Variants in PKD2 observed in about 807,000 individuals in gnomAD.
PKD2 encodes polycystin 2, transient receptor potential cation channel, also known as polycystin-2.
PKD2 carries 48 observed loss-of-function variants against 105.9 expected under a neutral mutation model. That is an observed-to-expected ratio of 0.45 (90% CI 0.36 to 0.58). The LOEUF (loss-of-function observed/expected upper bound fraction) is 0.58. PKD2 is among the 20% of genes least tolerant of loss of function. The pLI, the probability that PKD2 is intolerant of heterozygous loss-of-function variation, is 0.00. For synonymous variants in PKD2, 464 were observed against 481.1 expected, an observed-to-expected ratio of 0.96 and a Z score of 0.46; for missense variants, 1,078 against 1,255.3, an observed-to-expected ratio of 0.86 and a Z score of 2.13.
chr4:88,007,764 C>T lies in PKD2; in HGVS notation c.31C>T (p.Gln11Ter). ...GAACTCCAGTCGCGTGCAGCCTCAGCAGCCCGGGGACGCCAAGCGGCCGCC... is the reference window on the plus strand; with the variant it reads ...GAACTCCAGTCGCGTGCAGCCTCAGTAGCCCGGGGACGCCAAGCGGCCGCC... MVNSSRVQPQQPGDAKRPPAP... is the reference protein window; with the variant it reads MVNSSRVQPQ The change falls in exon 1 of 15, where the codon CAG (glutamine) becomes TAG (stop). Residue 11 changes from glutamine (Q) to a stop codon, truncating the protein, a stop_gained. Transcript: ENST00000237596. LOFTEE classifies it high-confidence loss of function. 8.4e-7 allele frequency: 1 copy of T among 1,195,472 alleles called. No individual in the cohort carries two copies. 74.1% of individuals were successfully genotyped at this position (1,195,472 alleles called of 1,614,324 possible).
At chr4:88,036,613 G>T (rs1197280804) in intron 3 of PKD2, 1 of 159,868 alleles carries the variant, frequency 6.3e-6, no homozygotes, top group Non-Finnish European at 1.3e-5. Flanking sequence ...ACTCTATAAG[G>T]TAAGTACTAA....
intron 10 of PKD2, 149 bp from the exon 11 acceptor site, chr4:88,065,225 T>C (rs1469932893): frequency 5.5e-6 from 4 of 731,382 alleles, no homozygotes; most frequent in South Asian, 4.7e-5. Context: ...GAAAACTGGA[T>C]ACATTAATTC....
chr4:88,012,258 G>T lies in PKD2; in HGVS notation c.595+3930G>T, dbSNP rs75458769. Among the ~76,000 whole-genome samples the T allele has an allele frequency of 1.5e-3, 232 of 152,294 alleles. No individual in the cohort carries two copies. In the East Asian group the frequency reaches 0.025, roughly 17 times the overall value. ...AACTCTCATCCGTCACCACTTTACT[G>T]TTGAGGGCACTAAGCCTTCTAAAGG... On this transcript the variant is annotated intron_variant, in intron 1 of 14. Coordinates refer to ENST00000237596, the MANE Select transcript of PKD2 (RefSeq NM_000297.4).
At chr4:88,057,713 C>T (rs113152807) in intron 8 of PKD2, among the ~76,000 whole-genome samples, 258 of 152,192 alleles carry the variant, frequency 1.7e-3, no homozygotes, top group African/African-American at 4.0e-3. Context: ...GGATTACAGA[C>T]GTGATCCACC....
intron 1 of PKD2, among the ~76,000 whole-genome samples, chr4:88,008,747 C>T (rs1472536798): frequency 6.6e-6 from 1 of 151,982 alleles, no homozygotes; most frequent in Non-Finnish European, 1.5e-5. Flanking sequence ...TATAGTCACC[C>T]GTGGTTTCCT....
Position 88,007,991 on chromosome 4 carries a change from G to A in PKD2, c.258G>A (p.Ala86=), listed in dbSNP as rs1726236549. The change falls in exon 1 of 15, where the codon GCG becomes GCA. Residue 86 remains alanine, a synonymous_variant. Coordinates refer to ENST00000237596, the MANE Select transcript of PKD2 (RefSeq NM_000297.4). ...SPPLSSCSRQ[A]WSRDNPGFEA... ...CGCTCTCGTCGTGCTCCCGGCAGGC[G>A]TGGAGCCGCGATAACCCCGGCTTCG... is the stretch of plus-strand genomic sequence containing the variant. 2.6e-6 allele frequency: 4 copies of A among 1,514,900 alleles called. No individual in the cohort carries two copies. In the East Asian group the frequency reaches 1.0e-4, roughly 39 times the overall value. 93.8% of individuals were successfully genotyped at this position (1,514,900 alleles called of 1,614,324 possible).
Position 88,008,041 on chromosome 4 carries a change from T to A in PKD2, c.308T>A (p.Val103Glu). The A allele has an allele frequency of 1.3e-6, 2 of 1,516,392 alleles. No homozygotes were observed. The highest frequency in any genetic ancestry group is 1.4e-5 in the African/African-American group (1 of 70,426). The allele number at this position is 1,516,392 out of a possible 1,614,324, so 93.9% of individuals were successfully genotyped here. Residue 103 changes from valine to glutamate, a missense_variant, in exon 1 of 15, where the codon GTG (valine) becomes GAG (glutamate). By Grantham distance (121) the Val-to-Glu change is moderately radical. Coordinates refer to ENST00000237596, the MANE Select transcript of PKD2 (RefSeq NM_000297.4). ...GAGGCCGAGGAGGAGGAGGAGGAGG[T>A]GGAAGGGGAAGAAGGCGGAATGGTG... ...GFEAEEEEEE[V>E]EGEEGGMVVE...
At chr4:88,065,011 A>G (rs1294409626) in intron 10 of PKD2, among the ~76,000 whole-genome samples, 1 of 152,190 alleles carries the variant, frequency 6.6e-6, no homozygotes, top group African/African-American at 2.4e-5. Flanking sequence ...ATAAAAATGC[A>G]ATTCATGATT....
intron 2 of PKD2, among the ~76,000 whole-genome samples, chr4:88,032,169 T>C (rs1727182700): frequency 6.6e-6 from 1 of 152,126 alleles, no homozygotes; most frequent in African/African-American, 2.4e-5. Context: ...ATTTCTATTC[T>C]TTTGTTAGAC....
chr4:88,052,345 T>A (rs1720142085), intron 7 of PKD2, among the ~76,000 whole-genome samples, 187 bp downstream of exon 7: 1 of 152,128 alleles, frequency 6.6e-6, no homozygotes, highest in Non-Finnish European at 1.5e-5. Context: ...TACAGCTCAT[T>A]GCAGCCTCGA....
At position 88,065,447 on chromosome 4, in the gene PKD2, A is replaced by G. The variant is rs1720755994; in HGVS notation, c.2192A>G (p.Gln731Arg). ...GATGACATTTCAGAGAGTCTGCGGC[A>G]AGGAGGAGGCAAGTTAAACTTTGAC... ...TVDDISESLRQGGGKLNFDEL... is the reference protein window; with the variant it reads ...TVDDISESLRRGGGKLNFDEL... Residue 731 changes from glutamine (Q) to arginine (R), a missense_variant, in exon 11 of 15, where the codon CAA becomes CGA. By Grantham distance (43) the Gln-to-Arg change is conservative. Around this residue, in one of 2 missense-constraint regions of PKD2, gnomAD observed 868 missense variants for 1,067.3 expected, o/e 0.81. Transcript: ENST00000237596. 6.2e-7 allele frequency: 1 copy of G among 1,613,584 alleles called. No individual in the cohort carries two copies. The highest frequency in any genetic ancestry group is 8.5e-7 in the Non-Finnish European group (1 of 1,179,514).
At chr4:88,014,518 C>G (rs1726496386) in intron 1 of PKD2, among the ~76,000 whole-genome samples, 1 of 150,720 alleles carries the variant, frequency 6.6e-6, no homozygotes, top group African/African-American at 2.4e-5. Context: ...ATTCTGGAGT[C>G]AATATTACTT....
chr4:88,036,318 T>C lies in PKD2; in HGVS notation c.808T>C (p.Phe270Leu). The change falls in exon 3 of 15, where the codon TTT becomes CTT. Residue 270 changes from phenylalanine (F) to leucine (L), a missense_variant. By Grantham distance (22) the Phe-to-Leu change is conservative (BLOSUM62 0). Transcript: ENST00000237596. ...CGTGTCCAAAACGGAGAAAACTAAC[T>C]TTAAAACTCTGTCTTCCATGGAAGA... ...TPVSKTEKTN[F>L]KTLSSMEDFW... The C allele has an allele frequency of 6.2e-7, 1 of 1,614,064 alleles. No homozygotes were observed. Among genetic ancestry groups the C allele is most frequent in the South Asian group, 1.1e-5 (1 of 91,084 alleles).
At position 88,038,308 on chromosome 4, in the gene PKD2, A is replaced by G. The variant is rs759567768; in HGVS notation, c.901A>G (p.Thr301Ala). The change falls in exon 4 of 15, where the codon ACT (threonine) becomes GCT (alanine). Residue 301 changes from threonine (T) to alanine (A), a missense_variant. Around this residue, in one of 2 missense-constraint regions of PKD2, gnomAD observed 868 missense variants for 1,067.3 expected, o/e 0.81. Coordinates refer to ENST00000237596, the MANE Select transcript of PKD2 (RefSeq NM_000297.4). Reference protein sequence around the residue: ...LYWKMQPSNQTEADNRSFIFY... With the variant: ...LYWKMQPSNQAEADNRSFIFY... ...CTGGAAGATGCAGCCCAGCAACCAG[A>G]CTGAAGCTGACAACCGAAGTTTCAT... is the stretch of plus-strand genomic sequence containing the variant. 14 of 1,613,836 alleles carry G rather than the reference A, an allele frequency of 8.7e-6. No individual in the cohort carries two copies. Among genetic ancestry groups the G allele is most frequent in the Non-Finnish European group, 1.2e-5 (14 of 1,179,832 alleles).
intron 6 of PKD2, among the ~76,000 whole-genome samples, chr4:88,047,656 G>A (rs1472371971): frequency 6.6e-6 from 1 of 152,146 alleles, no homozygotes. Context: ...AGTCTGCAGA[G>A]TACAAATGTA....
chr4:88,010,369 T>C (rs67543560), intron 1 of PKD2, among the ~76,000 whole-genome samples: 36,238 of 152,184 alleles, frequency 0.24, 5,260 homozygotes, highest in Non-Finnish European at 0.33. Context: ...TTTTAAAATG[T>C]TTAGCACCTA....
intron 4 of PKD2, 132 bp downstream of exon 4, chr4:88,038,633 A>G (rs1296293106): frequency 1.1e-6 from 1 of 944,476 alleles, no homozygotes; most frequent in Admixed American, 1.8e-5. Context: ...CAGTGCTTAT[A>G]TTTAAACCTT....
chr4:88,067,233 T>C (rs1303753513), intron 12 of PKD2, among the ~76,000 whole-genome samples: 2 of 152,216 alleles, frequency 1.3e-5, no homozygotes, highest in Non-Finnish European at 2.9e-5. Context: ...AGATTAGGGA[T>C]GCTGAACCAG....
At chr4:88,065,187 C>T (rs1329786813) in intron 10 of PKD2, among the ~76,000 whole-genome samples, 187 bp from the exon 11 acceptor site, 2 of 152,080 alleles carry the variant, frequency 1.3e-5, no homozygotes, top group East Asian at 1.9e-4. Context: ...TGACTTTTTC[C>T]ATGTAACTGT....
Sources: allele counts gnomAD v4.1 joint callset (sites outside exome capture counted in the v4.1 genomes callset), GRCh38; gene constraint gnomAD v4.1.1; regional missense constraint gnomAD v4.1.1; transcripts MANE v1.5; gene names NCBI Gene and HGNC (gene_info 2026-07-23, HGNC 2026-07-21).